The following LRRC4C variants were observed in gnomAD, a reference collection of about 807,000 sequenced individuals.
The protein encoded by LRRC4C is leucine rich repeat containing 4C, also known as leucine-rich repeat-containing protein 4C.
In LRRC4C, 5 loss-of-function variants were observed where a neutral mutation model predicts 33.6. The ratio of observed to expected loss-of-function variants is 0.15; its 90% confidence interval spans 0.08 to 0.31. The LOEUF is 0.31. LRRC4C is among the 10% of genes least tolerant of loss of function. The probability of loss-of-function intolerance (pLI) is 1.00; values close to 1 mark genes in which losing one functional copy is unlikely to be tolerated. For synonymous variants in LRRC4C, 329 were observed against 302.0 expected (o/e 1.09, Z -0.93); for missense variants, 560 against 796.7 (o/e 0.70, Z 3.58).
intron 1 of LRRC4C, among the ~76,000 whole-genome samples, chr11:41,450,376 G>A (rs982701699): frequency 1.7e-4 from 26 of 152,064 alleles, no homozygotes; most frequent in African/African-American, 6.3e-4. Flanking sequence ...TTATAGCAAA[G>A]GTGGAAAATA....
At chr11:40,694,150 ACCT>A (rs1480829396) in intron 2 of LRRC4C, among the ~76,000 whole-genome samples, 1 of 152,082 alleles carries the variant, frequency 6.6e-6, no homozygotes, top group East Asian at 1.9e-4. Flanking sequence ...TGTAAAATAA[ACCT>A]CCTGCAATCT....
At chr11:41,384,764 T>C (rs75098955) in intron 1 of LRRC4C, among the ~76,000 whole-genome samples, 1,602 of 150,624 alleles carry the variant, frequency 0.011, 31 homozygotes, top group African/African-American at 0.037. Flanking sequence ...TCCATTGGCA[T>C]TGTTATTAAA....
intron 2 of LRRC4C, among the ~76,000 whole-genome samples, chr11:40,858,118 T>TA (rs1463640893): frequency 6.6e-6 from 1 of 151,922 alleles, no homozygotes; most frequent in Admixed American, 6.6e-5. Flanking sequence ...TAAAATAAAA[T>TA]AAAAAATGTA....
chr11:40,327,410 C>A (rs953553673), intron 3 of LRRC4C, among the ~76,000 whole-genome samples: 34 of 152,148 alleles, frequency 2.2e-4, no homozygotes, highest in African/African-American at 7.2e-4. Context: ...TGTTCCCTTG[C>A]AGAAAATGAA....
chr11:41,042,346 C>T (rs191819661), intron 1 of LRRC4C, among the ~76,000 whole-genome samples: 23 of 152,272 alleles, frequency 1.5e-4, no homozygotes, highest in African/African-American at 5.5e-4. Context: ...TACACAATCA[C>T]CAAAAGCTGA....
rs528846800 is a variant in LRRC4C at position 40,185,594 on chromosome 11, C to T, written c.-95-44741G>A. 2.0e-5 allele frequency among the ~76,000 whole-genome samples: 3 copies of T among 152,262 alleles called. No individual in the cohort carries two copies. In the Middle Eastern group the frequency reaches 0.01, roughly 518 times the overall value. On this transcript the variant is annotated intron_variant, in intron 5 of 6. Transcript: ENST00000528697. The stretch of plus-strand genomic sequence containing the variant: ...AATGGGAACTAAGCTTTGTCAAGCG[C>T]CTCCAAAGTGCCAGGCACTGTGCTA...
chr11:41,037,574 T>TCTCACACA lies in LRRC4C; in HGVS notation c.-495-103852_-495-103851insTGTGTGAG, dbSNP rs749499572. On this transcript the variant is annotated intron_variant, in intron 1 of 6. Coordinates refer to ENST00000528697, the MANE Select transcript of LRRC4C (RefSeq NM_001258419.2). ...CTGAACTTTCTTACTTCTTTTCCTT[T>TCTCACACA]CACACACACACACACACACACACAC... 4.0e-5 allele frequency among the ~76,000 whole-genome samples: 6 copies of TCTCACACA among 148,964 alleles called. No homozygotes were observed. In the South Asian group the frequency reaches 1.3e-3, roughly 32 times the overall value.
At chr11:41,161,995 C>T (rs1944493019) in intron 1 of LRRC4C, among the ~76,000 whole-genome samples, 1 of 152,100 alleles carries the variant, frequency 6.6e-6, no homozygotes, top group Non-Finnish European at 1.5e-5. Flanking sequence ...ATATTTATTT[C>T]TATAGGATTG....
chr11:41,035,171 C>G (rs1440182804), intron 1 of LRRC4C, among the ~76,000 whole-genome samples: 3 of 150,486 alleles, frequency 2.0e-5, no homozygotes, highest in African/African-American at 7.3e-5. Context: ...GCCTGGGCGA[C>G]AGAATGAGAC....
intron 3 of LRRC4C, among the ~76,000 whole-genome samples, chr11:40,551,785 A>G (rs1476887662): frequency 6.6e-6 from 1 of 152,226 alleles, no homozygotes; most frequent in East Asian, 1.9e-4. Flanking sequence ...TTTTGAGAGT[A>G]TTCAACTCAG....
chr11:40,717,887 G>A (rs1257084296), intron 2 of LRRC4C, among the ~76,000 whole-genome samples: 1 of 152,162 alleles, frequency 6.6e-6, no homozygotes, highest in African/African-American at 2.4e-5. Flanking sequence ...AAAATGCAAA[G>A]ATGGCTTAAA....
intron 1 of LRRC4C, among the ~76,000 whole-genome samples, chr11:41,117,625 T>C (rs905303394): frequency 3.9e-5 from 6 of 152,158 alleles, no homozygotes; most frequent in African/African-American, 4.8e-5. Context: ...AAGGAAAATA[T>C]TTGATAGAAT....
At chr11:41,358,542 A>C (rs1952240411) in intron 1 of LRRC4C, among the ~76,000 whole-genome samples, 1 of 152,200 alleles carries the variant, frequency 6.6e-6, no homozygotes, top group Non-Finnish European at 1.5e-5. Flanking sequence ...AGAACTCAAC[A>C]AGAAAACAAC....
chr11:41,376,879 A>G (rs1380652506), intron 1 of LRRC4C, among the ~76,000 whole-genome samples: 6 of 152,162 alleles, frequency 3.9e-5, no homozygotes, highest in African/African-American at 1.4e-4. Flanking sequence ...TAGATAGATG[A>G]TAGACAAACA....
chr11:40,187,576 G>A (rs192660276), intron 5 of LRRC4C, among the ~76,000 whole-genome samples: 401 of 152,146 alleles, frequency 2.6e-3, no homozygotes, highest in African/African-American at 9.3e-3. Flanking sequence ...TGGCACCACT[G>A]AGAAAGACCC....
chr11:41,138,193 C>T (rs1943349156), intron 1 of LRRC4C, among the ~76,000 whole-genome samples: 1 of 152,234 alleles, frequency 6.6e-6, no homozygotes, highest in African/African-American at 2.4e-5. Context: ...ATGCTGACAT[C>T]TCTTGAGCCT....
chr11:40,577,327 A>G (rs946307435), intron 3 of LRRC4C, among the ~76,000 whole-genome samples: 1 of 152,218 alleles, frequency 6.6e-6, no homozygotes, highest in African/African-American at 2.4e-5. Context: ...TAAATGCACA[A>G]TACAGACTGG....
At chr11:40,868,295 C>T (rs1954470009) in intron 2 of LRRC4C, among the ~76,000 whole-genome samples, 1 of 152,080 alleles carries the variant, frequency 6.6e-6, no homozygotes, top group Non-Finnish European at 1.5e-5. Context: ...GCCATAATGG[C>T]TTAAGCTTCA....
chr11:40,445,358 G>C (rs1951584135), intron 3 of LRRC4C: 1 of 153,072 alleles, frequency 6.5e-6, no homozygotes, highest in Non-Finnish European at 1.5e-5. Context: ...TTCCACTTGT[G>C]AGTTTTCTGT....
Sources: allele counts gnomAD v4.1 joint callset (sites outside exome capture counted in the v4.1 genomes callset), GRCh38; gene constraint gnomAD v4.1.1; transcripts MANE v1.5; gene names NCBI Gene and HGNC (gene_info 2026-07-23, HGNC 2026-07-21).